The following BAZ1A variants were observed in gnomAD, a reference collection of about 807,000 sequenced individuals.
BAZ1A encodes the protein bromodomain adjacent to zinc finger domain protein 1A.
In BAZ1A, 50 loss-of-function variants were observed where a neutral mutation model predicts 185.2. The observed-to-expected ratio is 0.27, with a 90% CI of 0.22 to 0.34. BAZ1A has a LOEUF of 0.34. BAZ1A is among the 10% of genes least tolerant of loss of function. The pLI, the probability that BAZ1A is intolerant of heterozygous loss-of-function variation, is 1.00. For missense variants in BAZ1A, 1,356 were observed against 1,839.9 expected, an observed-to-expected ratio of 0.74 and a Z score of 4.81; for synonymous variants, 571 against 615.6, an observed-to-expected ratio of 0.93 and a Z score of 1.07.
chr14:34,838,836 A>G (rs1470150281), intron 3 of BAZ1A, among the ~76,000 whole-genome samples: 1 of 152,068 alleles, frequency 6.6e-6, no homozygotes, highest in African/African-American at 2.4e-5. Context: ...GGAAACAATT[A>G]TTTTACAACT....
At chr14:34,808,318 A>AC (rs2041879430) in intron 5 of BAZ1A, among the ~76,000 whole-genome samples, 1 of 151,540 alleles carries the variant, frequency 6.6e-6, no homozygotes, top group African/African-American at 2.4e-5. Flanking sequence ...ACATGGTGAA[A>AC]CCCCATCTCT....
chr14:34,858,723 G>A (rs1340821343), intron 3 of BAZ1A, among the ~76,000 whole-genome samples: 2 of 151,480 alleles, frequency 1.3e-5, no homozygotes, highest in South Asian at 2.1e-4. Context: ...AAGTTGGGGC[G>A]AGGGTGGGGA....
intron 4 of BAZ1A, among the ~76,000 whole-genome samples, chr14:34,813,253 A>G (rs1215867777): frequency 6.6e-6 from 1 of 151,958 alleles, no homozygotes; most frequent in Non-Finnish European, 1.5e-5. Context: ...CTAGTTGGAT[A>G]TGATGGCATG....
chr14:34,762,137 T>A lies in BAZ1A; in HGVS notation c.3863A>T (p.Gln1288Leu), dbSNP rs1243278741. The part of the protein sequence containing the change: ...LSSSFSSRGQ[Q>L]QEPGRYPSRS... ...TGAAGGGTATCTTCCAGGTTCTTGT[T>A]GTTGGCCACGACTTGAGAAAGAAGA... is the stretch of plus-strand genomic sequence containing the variant. The change falls in exon 24 of 27, where the codon CAA becomes CTA. Residue 1288 changes from glutamine (Q) to leucine (L), a missense_variant. Gln to Leu is a moderately radical substitution (Grantham distance 113). Coordinates refer to ENST00000360310, the MANE Select transcript of BAZ1A (RefSeq NM_013448.3). 1 of 1,614,128 alleles carries A rather than the reference T, an allele frequency of 6.2e-7. No homozygotes were observed. Among genetic ancestry groups the A allele is most frequent in the Non-Finnish European group, 8.5e-7 (1 of 1,180,048 alleles).
chr14:34,796,167 C>A (rs533178352), intron 9 of BAZ1A, among the ~76,000 whole-genome samples: 1 of 147,300 alleles, frequency 6.8e-6, no homozygotes, highest in South Asian at 2.1e-4. Flanking sequence ...CATATACATA[C>A]ACACACACAC....
At chr14:34,856,844 A>C (rs2042687818) in intron 3 of BAZ1A, among the ~76,000 whole-genome samples, 1 of 124,520 alleles carries the variant, frequency 8.0e-6, no homozygotes, top group African/African-American at 3.0e-5. Flanking sequence ...GGGCAGTGAG[A>C]ACGAAACTCG....
intron 3 of BAZ1A, among the ~76,000 whole-genome samples, chr14:34,851,826 C>A (rs1460189889): frequency 6.6e-6 from 1 of 151,978 alleles, no homozygotes; most frequent in Non-Finnish European, 1.5e-5. Context: ...GTTTGCATGG[C>A]GTTCTTAGAA....
chr14:34,782,102 G>A (rs1594832484), intron 16 of BAZ1A, among the ~76,000 whole-genome samples: 2 of 152,082 alleles, frequency 1.3e-5, no homozygotes, highest in South Asian at 4.1e-4. Context: ...TTTAATTGTC[G>A]GGTCATACAG....
chr14:34,753,647 C>T lies in BAZ1A; in HGVS notation c.4532G>A (p.Arg1511His), dbSNP rs200937141. Reference protein sequence around the residue: ...MFSNCFEYNPRNTSEAKAGTR... With the variant: ...MFSNCFEYNPHNTSEAKAGTR... ...TCCAGCTTTTGCTTCACTTGTGTTA[C>T]GAGGGTTGTATTCAAAGCAGTTCGA... The change falls in exon 27 of 27, where the codon CGT (arginine) becomes CAT (histidine). Residue 1511 changes from arginine to histidine, a missense_variant. Transcript: ENST00000360310. The T allele has an allele frequency of 1.9e-5, 31 of 1,613,312 alleles. No individual in the cohort carries two copies. The highest frequency in any genetic ancestry group is 3.3e-4 in the Middle Eastern group (2 of 6,084).
chr14:34,761,191 C>T (rs889236112), intron 24 of BAZ1A, among the ~76,000 whole-genome samples: 35 of 151,960 alleles, frequency 2.3e-4, no homozygotes, highest in African/African-American at 7.5e-4. Context: ...GCAGGAGAAT[C>T]GCTTGAACCC....
At chr14:34,824,730 T>A (rs1286433739) in intron 4 of BAZ1A, among the ~76,000 whole-genome samples, 1 of 152,152 alleles carries the variant, frequency 6.6e-6, no homozygotes, top group Non-Finnish European at 1.5e-5. Context: ...AGACAGAACT[T>A]ATCAACACTG....
chr14:34,792,379 A>G (rs1178137006), intron 12 of BAZ1A, among the ~76,000 whole-genome samples: 2 of 144,300 alleles, frequency 1.4e-5, no homozygotes, highest in African/African-American at 4.9e-5. Flanking sequence ...GCGAAACTCC[A>G]TCTCAAAAAA....
intron 2 of BAZ1A, among the ~76,000 whole-genome samples, chr14:34,864,235 C>T (rs778943562): frequency 3.3e-5 from 5 of 151,886 alleles, no homozygotes; most frequent in Non-Finnish European, 5.9e-5. Context: ...ATTCTGCCTC[C>T]CTGGTTCCAG....
At chr14:34,856,334 T>C (rs1178182734) in intron 3 of BAZ1A, among the ~76,000 whole-genome samples, 3 of 26,696 alleles carry the variant, frequency 1.1e-4, no homozygotes, top group African/African-American at 2.0e-4. Flanking sequence ...TCACCTAGGC[T>C]GCAGCACAGT....
intron 6 of BAZ1A, among the ~76,000 whole-genome samples, chr14:34,804,739 T>C (rs969664148): frequency 5.9e-5 from 9 of 152,234 alleles, no homozygotes; most frequent in African/African-American, 2.2e-4. Flanking sequence ...CATGGGTGGT[T>C]TCTTCTCAAA....
chr14:34,776,601 T>C (rs1879629219), intron 17 of BAZ1A, 86 bp from the exon 18 acceptor site: 1 of 1,152,390 alleles, frequency 8.7e-7, no homozygotes, highest in African/African-American at 1.8e-5. Flanking sequence ...CCCAAGTTAT[T>C]AGGTGTTATG....
intron 11 of BAZ1A, among the ~76,000 whole-genome samples, chr14:34,793,528 G>T (rs1156791566): frequency 6.6e-6 from 1 of 152,210 alleles, no homozygotes; most frequent in African/African-American, 2.4e-5. Flanking sequence ...GGCATTATAG[G>T]ACAGACGCAG....
intron 3 of BAZ1A, among the ~76,000 whole-genome samples, chr14:34,838,571 G>C (rs2042364273): frequency 6.6e-6 from 1 of 151,632 alleles, no homozygotes; most frequent in Non-Finnish European, 1.5e-5. Context: ...ACCCAGGCTG[G>C]AGTTCAGTGG....
At chr14:34,859,925 G>A (rs1384463335) in intron 3 of BAZ1A, among the ~76,000 whole-genome samples, 2 of 152,018 alleles carry the variant, frequency 1.3e-5, no homozygotes, top group African/African-American at 2.4e-5. Context: ...CTCCCCAAAC[G>A]CCCCAACCCT....
Sources: allele counts gnomAD v4.1 joint callset (sites outside exome capture counted in the v4.1 genomes callset), GRCh38; gene constraint gnomAD v4.1.1; transcripts MANE v1.5; gene names NCBI Gene and HGNC (gene_info 2026-07-23, HGNC 2026-07-21).